APP: variants seen among roughly 807,000 people sequenced by gnomAD.
APP encodes the protein amyloid beta precursor protein.
APP carries 31 observed loss-of-function variants against 101.4 expected under a neutral mutation model. The ratio of observed to expected loss-of-function variants is 0.31; its 90% CI spans 0.23 to 0.41. APP has a LOEUF of 0.41. APP is among the 10% of genes least tolerant of loss of function. The probability of loss-of-function intolerance (pLI) is 1.00; values close to 1 mark genes in which losing one functional copy is unlikely to be tolerated. For missense variants in APP, 839 were observed against 1,003.7 expected, an observed-to-expected ratio of 0.84 and a Z score of 2.22; for synonymous variants, 366 against 364.4, an observed-to-expected ratio of 1.00 and a Z score of -0.05.
chr21:25,980,654 T>C lies in APP; in HGVS notation c.1224+1690A>G, dbSNP rs564500816. On this transcript the variant is annotated intron_variant, in intron 9 of 17. Coordinates refer to ENST00000346798, the MANE Select transcript of APP (RefSeq NM_000484.4). Reference sequence around the variant, plus strand: ...TAGATCCAAGTATTGTTATTCATCTTAAGGCAAAACAAACAAACAAAAAAC... The same window carrying C: ...TAGATCCAAGTATTGTTATTCATCTCAAGGCAAAACAAACAAACAAAAAAC... 5.4e-5 allele frequency among the ~76,000 whole-genome samples: 6 copies of C among 111,382 alleles called. No individual in the cohort carries two copies. The East Asian group carries it at 1.6e-3, about 29-fold the overall frequency. The allele number at this position is 111,382 out of a possible 152,430, so 73.1% of individuals were successfully genotyped here.
At chr21:25,900,131 T>C (rs540924444) in intron 15 of APP, among the ~76,000 whole-genome samples, 9 of 152,174 alleles carry the variant, frequency 5.9e-5, no homozygotes, top group Non-Finnish European at 1.3e-4. Context: ...GCTAAAACTC[T>C]CTTAATTCTC....
At chr21:25,935,839 C>CAGA (rs2040337910) in intron 13 of APP, among the ~76,000 whole-genome samples, 1 of 77,052 alleles carries the variant, frequency 1.3e-5, no homozygotes, top group African/African-American at 5.4e-5. Context: ...GACTCTGTCT[C>CAGA]AAAAAAAAAA....
intron 1 of APP, among the ~76,000 whole-genome samples, chr21:26,158,515 C>CA (rs1334470050): frequency 3.3e-5 from 5 of 152,178 alleles, no homozygotes; most frequent in Non-Finnish European, 7.3e-5. Context: ...ATCGAGGTGT[C>CA]ACTATCTGGC....
At chr21:26,123,874 G>GCAATCT in intron 1 of APP, among the ~76,000 whole-genome samples, 1 of 151,980 alleles carries the variant, frequency 6.6e-6, no homozygotes, top group Non-Finnish European at 1.5e-5. Context: ...ATATTAGGAG[G>GCAATCT]GTGCAGTTAG....
At chr21:26,102,077 ATG>A (rs1240936818) in intron 2 of APP, among the ~76,000 whole-genome samples, 1 of 136,304 alleles carries the variant, frequency 7.3e-6, no homozygotes, top group Admixed American at 7.3e-5. Flanking sequence ...AAGTAAAACT[ATG>A]TGGTTTTTTT....
At chr21:26,037,547 G>A (rs1352476571) in intron 5 of APP, among the ~76,000 whole-genome samples, 6 of 152,152 alleles carry the variant, frequency 3.9e-5, no homozygotes, top group Admixed American at 3.9e-4. Context: ...GTTGCTAGGT[G>A]TGTTTCAACA....
intron 13 of APP, among the ~76,000 whole-genome samples, chr21:25,947,076 A>G (rs2040856053): frequency 6.6e-6 from 1 of 152,242 alleles, no homozygotes; most frequent in Non-Finnish European, 1.5e-5. Flanking sequence ...AAAAGAAAGT[A>G]TCTGTTTGCC....
chr21:25,892,722 A>G (rs2037776014), intron 16 of APP, among the ~76,000 whole-genome samples: 1 of 152,230 alleles, frequency 6.6e-6, no homozygotes, highest in African/African-American at 2.4e-5. Context: ...TTACTGCACT[A>G]CATTGCTTCA....
intron 2 of APP, among the ~76,000 whole-genome samples, chr21:26,099,975 T>G (rs2062022204): frequency 6.6e-6 from 1 of 152,224 alleles, no homozygotes; most frequent in African/African-American, 2.4e-5. Context: ...ACTTTCATAC[T>G]CAGAGTTGGA....
chr21:26,022,594 A>T (rs917279472), intron 5 of APP, among the ~76,000 whole-genome samples: 1 of 152,150 alleles, frequency 6.6e-6, no homozygotes, highest in Non-Finnish European at 1.5e-5. Context: ...GGGAAGTGAG[A>T]GGTAGAGGGA....
chr21:25,971,554 G>C (rs940026774), intron 11 of APP, among the ~76,000 whole-genome samples: 2 of 152,216 alleles, frequency 1.3e-5, no homozygotes, highest in South Asian at 4.1e-4. Context: ...GTAATTCACA[G>C]GACAGGGTAT....
intron 2 of APP, among the ~76,000 whole-genome samples, chr21:26,110,129 CA>C (rs1235274534): frequency 6.6e-6 from 1 of 152,148 alleles, no homozygotes; most frequent in Non-Finnish European, 1.5e-5. Flanking sequence ...AGTAAATCAG[CA>C]CACAGAATGT....
chr21:26,049,166 G>C (rs1345488388), intron 5 of APP, among the ~76,000 whole-genome samples: 4 of 152,174 alleles, frequency 2.6e-5, no homozygotes, highest in Non-Finnish European at 5.9e-5. Flanking sequence ...GAGGAGGGTG[G>C]ATGAAGCCTG....
chr21:26,114,258 C>T (rs1188628254), intron 1 of APP, among the ~76,000 whole-genome samples: 1 of 152,142 alleles, frequency 6.6e-6, no homozygotes, highest in South Asian at 2.1e-4. Flanking sequence ...ATTTCCTCCC[C>T]GCAAGGAGAG....
intron 6 of APP, among the ~76,000 whole-genome samples, chr21:26,013,494 T>TC (rs1555845831): frequency 6.6e-6 from 1 of 151,556 alleles, no homozygotes; most frequent in Non-Finnish European, 1.5e-5. Context: ...TTTTTTTTTT[T>TC]AAAGCAACTG....
intron 11 of APP, among the ~76,000 whole-genome samples, chr21:25,966,776 C>T (rs935903146): frequency 6.6e-6 from 1 of 152,162 alleles, no homozygotes; most frequent in Non-Finnish European, 1.5e-5. Flanking sequence ...TTTAGTACCA[C>T]AATTTCTTTT....
intron 13 of APP, among the ~76,000 whole-genome samples, chr21:25,946,726 A>G (rs1438032206): frequency 6.6e-6 from 1 of 151,956 alleles, no homozygotes; most frequent in African/African-American, 2.4e-5. Context: ...AAACAACCCA[A>G]TTAAAAAATT....
intron 17 of APP, among the ~76,000 whole-genome samples, chr21:25,884,447 C>A (rs2146204659): frequency 6.6e-6 from 1 of 152,364 alleles, no homozygotes; most frequent in Non-Finnish European, 1.5e-5. Context: ...ATCCTCTCCT[C>A]TTTCCTTTGC....
Position 26,170,747 on chromosome 21 carries a change from C to G in APP, c.-127G>C. 9.9e-7 allele frequency: 1 copy of G among 1,010,492 alleles called. No homozygotes were observed. The highest frequency in any genetic ancestry group is 1.9e-5 in the South Asian group (1 of 52,428). The allele number at this position is 1,010,492 out of a possible 1,614,324, so 62.6% of individuals were successfully genotyped here. On this transcript the variant is annotated 5_prime_UTR_variant, in exon 1 of 18. Coordinates refer to ENST00000346798, the MANE Select transcript of APP (RefSeq NM_000484.4). ...GCGCACGCTCCTCCGCGTGCTCTCGCCTACCGCTGCCGAGGAAACTGACGG... is the reference window on the plus strand; with the variant it reads ...GCGCACGCTCCTCCGCGTGCTCTCGGCTACCGCTGCCGAGGAAACTGACGG...
Sources: allele counts gnomAD v4.1 joint callset (sites outside exome capture counted in the v4.1 genomes callset), GRCh38; gene constraint gnomAD v4.1.1; transcripts MANE v1.5; gene names NCBI Gene and HGNC (gene_info 2026-07-23, HGNC 2026-07-21).